Variants in NTRK2 observed in about 807,000 individuals in gnomAD.
The protein encoded by NTRK2 is BDNF/NT-3 growth factors receptor.
In NTRK2, 13 loss-of-function variants were observed where a neutral mutation model predicts 94.5. The observed-to-expected ratio is 0.14, with a 90% CI of 0.09 to 0.22. NTRK2 has a LOEUF of 0.22. Ranked by LOEUF, NTRK2 falls within the 10% of genes least tolerant of loss-of-function variation. The probability of loss-of-function intolerance (pLI) is 1.00; values close to 1 mark genes in which losing one functional copy is unlikely to be tolerated. For synonymous variants in NTRK2, 372 were observed against 407.4 expected (o/e 0.91, Z 1.05); for missense variants, 639 against 1,071.2 (o/e 0.60, Z 5.63).
chr9:84,669,580 C>G (rs1466001208), upstream of NTRK2: 1 of 153,348 alleles, frequency 6.5e-6, no homozygotes, highest in Non-Finnish European at 1.5e-5. This position sits in a 1 kb window ranked among gnomAD's most constrained non-coding sequence, Gnocchi z 4.1. Context: ...CTCCCTCCTC[C>G]CTGCTCGCCC....
chr9:84,827,455 A>G (rs1425734230), intron 12 of NTRK2, among the ~76,000 whole-genome samples: 1 of 152,202 alleles, frequency 6.6e-6, no homozygotes, highest in Non-Finnish European at 1.5e-5. Context: ...CCACGTGGGA[A>G]TCTAGGGCTT....
At chr9:84,853,454 A>T (rs1488820671) in intron 12 of NTRK2, among the ~76,000 whole-genome samples, 1 of 152,224 alleles carries the variant, frequency 6.6e-6, no homozygotes, top group East Asian at 1.9e-4. Flanking sequence ...GTCTTCAGTC[A>T]TGTTCCATTG....
At chr9:84,805,680 C>A (rs1426876027) in intron 12 of NTRK2, among the ~76,000 whole-genome samples, 1 of 152,128 alleles carries the variant, frequency 6.6e-6, no homozygotes, top group Non-Finnish European at 1.5e-5. Flanking sequence ...GAAACTTAAC[C>A]CCCAATGTGG....
intron 12 of NTRK2, among the ~76,000 whole-genome samples, chr9:84,854,969 A>T (rs1370743221): frequency 6.6e-6 from 1 of 151,254 alleles, no homozygotes; most frequent in East Asian, 1.9e-4. Context: ...AAAAAAAAAA[A>T]AAAAAGCTTG....
chr9:84,777,816 G>A (rs978586121), intron 12 of NTRK2, among the ~76,000 whole-genome samples: 21 of 152,128 alleles, frequency 1.4e-4, no homozygotes, highest in African/African-American at 4.6e-4. Flanking sequence ...TCATGCAAGA[G>A]GTTTGTTTGT....
At chr9:85,006,000 C>T (rs1830918760) in intron 17 of NTRK2, among the ~76,000 whole-genome samples, 2 of 152,152 alleles carry the variant, frequency 1.3e-5, no homozygotes, top group South Asian at 2.1e-4. Flanking sequence ...TATTCACATC[C>T]GTGACCCCTG....
chr9:84,845,926 G>GA lies in NTRK2; in HGVS notation c.1397-15102dup, dbSNP rs1176450539. ...TGTACTCCAAAAACTATTAAAATTT[G>GA]AAAAAAAAAAAAGAAGCCATAAAGT... On this transcript the variant is annotated intron_variant, in intron 12 of 18. Transcript: ENST00000277120. 1.1e-3 allele frequency among the ~76,000 whole-genome samples: 154 copies of GA among 135,186 alleles called. No homozygotes were observed. The South Asian group carries it at 0.013, about 11-fold the overall frequency. 88.7% of individuals were successfully genotyped at this position (135,186 alleles called of 152,430 possible).
chr9:84,786,822 C>G (rs1307768031), intron 12 of NTRK2, among the ~76,000 whole-genome samples: 1 of 152,126 alleles, frequency 6.6e-6, no homozygotes, highest in Non-Finnish European at 1.5e-5. Flanking sequence ...GGTGGCAGCT[C>G]TACTACAAAG....
chr9:84,859,302 A>C (rs2075219913), intron 12 of NTRK2, among the ~76,000 whole-genome samples: 1 of 152,198 alleles, frequency 6.6e-6, no homozygotes, highest in Admixed American at 6.5e-5. Flanking sequence ...GTGCGTCTTT[A>C]GTTTTCCCGT....
In NTRK2 at chr9:85,022,531, G is replaced by A. The variant is rs1364519414; in HGVS notation, c.*1094G>A. 2 of 233,094 alleles carry A rather than the reference G, an allele frequency of 8.6e-6. No individual in the cohort carries two copies. Among genetic ancestry groups the A allele is most frequent in the East Asian group, 1.2e-4 (2 of 16,608 alleles). 14.4% of individuals were successfully genotyped at this position (233,094 alleles called of 1,614,324 possible). Reference sequence around the variant, plus strand: ...AAAGATAAGACAAGCTATAAATTCGGAGGCAAGTTTCTTTTACAATGAACT... The same window carrying A: ...AAAGATAAGACAAGCTATAAATTCGAAGGCAAGTTTCTTTTACAATGAACT... On this transcript the variant is annotated 3_prime_UTR_variant, in exon 19 of 19. Coordinates refer to ENST00000277120, the MANE Select transcript of NTRK2 (RefSeq NM_006180.6).
intron 14 of NTRK2, among the ~76,000 whole-genome samples, chr9:84,917,654 G>A (rs1021425463): frequency 1.1e-4 from 16 of 152,188 alleles, no homozygotes; most frequent in Admixed American, 3.3e-4. Context: ...TTTTCCAAGA[G>A]CAGGCAGCCT....
At chr9:84,912,713 G>A (rs969668639) in intron 14 of NTRK2, among the ~76,000 whole-genome samples, 14 of 147,888 alleles carry the variant, frequency 9.5e-5, no homozygotes, top group South Asian at 4.5e-4. Context: ...CTGCCTCCCC[G>A]GGTTCATGCC....
At chr9:84,697,128 A>G (rs956432814) in intron 2 of NTRK2, among the ~76,000 whole-genome samples, 5 of 152,162 alleles carry the variant, frequency 3.3e-5, no homozygotes, top group Non-Finnish European at 7.3e-5. Flanking sequence ...AAAAAATCCG[A>G]ATTCACCATG....
intron 14 of NTRK2, among the ~76,000 whole-genome samples, chr9:84,923,575 C>G (rs1337744040): frequency 6.6e-6 from 1 of 152,164 alleles, no homozygotes. Flanking sequence ...AACATTCTTT[C>G]AGAGGTTCAT....
chr9:84,815,605 A>C, intron 12 of NTRK2: 1 of 1,001,508 alleles, frequency 1.0e-6, no homozygotes, highest in Non-Finnish European at 1.2e-6. Context: ...CATTTTAAAA[A>C]TTTTTATTTT....
chr9:84,811,275 GCAAAA>G (rs899624222), intron 12 of NTRK2: 38 of 1,064,134 alleles, frequency 3.6e-5, no homozygotes, highest in Middle Eastern at 4.2e-4. Context: ...TCCTTAGCCA[GCAAAA>G]CAAAACAAAA....
At chr9:84,675,324 C>CTTTTTTTTTTT (rs536445167) in intron 2 of NTRK2, among the ~76,000 whole-genome samples, 15 of 67,322 alleles carry the variant, frequency 2.2e-4, no homozygotes, top group Non-Finnish European at 2.6e-4. Context: ...TCTTTCTTTC[C>CTTTTTTTTTTT]TTTTTTTTTT....
chr9:84,946,401 C>CT (rs1026241508), intron 15 of NTRK2, among the ~76,000 whole-genome samples: 2 of 152,214 alleles, frequency 1.3e-5, no homozygotes, highest in African/African-American at 4.8e-5. Context: ...CTGCCCAGGG[C>CT]TGGCAATGCA....
At chr9:84,968,111 A>G (rs1825767260) in intron 17 of NTRK2, among the ~76,000 whole-genome samples, 1 of 152,188 alleles carries the variant, frequency 6.6e-6, no homozygotes, top group Non-Finnish European at 1.5e-5. Context: ...CCTCTCAGCC[A>G]TCTTCCAATT....
Sources: allele counts gnomAD v4.1 joint callset (sites outside exome capture counted in the v4.1 genomes callset), GRCh38; gene constraint gnomAD v4.1.1; non-coding constraint Gnocchi (gnomAD v3.1); transcripts MANE v1.5; gene names NCBI Gene and HGNC (gene_info 2026-07-23, HGNC 2026-07-21).